Variants in ST3GAL1 observed in about 807,000 individuals in gnomAD.
The protein encoded by ST3GAL1 is ST3 beta-galactoside alpha-2,3-sialyltransferase 1, also known as CMP-N-acetylneuraminate-beta-galactosamide-alpha-2,3-sialyltransferase 1.
In ST3GAL1, 16 loss-of-function variants were observed where a neutral mutation model predicts 34.1. The observed-to-expected ratio is 0.47, with a 90% CI of 0.32 to 0.71. The LOEUF is 0.71. Ranked by LOEUF, ST3GAL1 falls within the 30% of genes least tolerant of loss-of-function variation. The probability of loss-of-function intolerance (pLI) is 0.04; values close to 1 mark genes in which losing one functional copy is unlikely to be tolerated. For synonymous variants in ST3GAL1, 191 were observed against 184.7 expected (o/e 1.03, Z -0.28); for missense variants, 353 against 447.4 (o/e 0.79, Z 1.90).
At chr8:133,525,336 C>T (rs893306301) in intron 2 of ST3GAL1, among the ~76,000 whole-genome samples, 22 of 152,212 alleles carry the variant, frequency 1.4e-4, no homozygotes, top group African/African-American at 5.3e-4. Flanking sequence ...GTCCTGACAC[C>T]TACATGTCTG....
intron 3 of ST3GAL1, among the ~76,000 whole-genome samples, chr8:133,493,322 G>C (rs1816839505): frequency 6.6e-6 from 1 of 152,234 alleles, no homozygotes; most frequent in Non-Finnish European, 1.5e-5. Flanking sequence ...GGGTCTTGGA[G>C]AGAAACGAAG....
chr8:133,496,251 A>G (rs908317133), intron 3 of ST3GAL1, among the ~76,000 whole-genome samples: 1 of 152,182 alleles, frequency 6.6e-6, no homozygotes, highest in African/African-American at 2.4e-5. Flanking sequence ...GGCTTAATAC[A>G]TACTTCTGAG....
At chr8:133,532,524 CTAAA>C (rs948553247) in intron 2 of ST3GAL1, among the ~76,000 whole-genome samples, 3 of 151,904 alleles carry the variant, frequency 2.0e-5, no homozygotes, top group African/African-American at 4.8e-5. Context: ...AAATGAAGTA[CTAAA>C]TAAATATTGA....
intron 2 of ST3GAL1, among the ~76,000 whole-genome samples, chr8:133,512,351 G>A (rs1330176327): frequency 6.6e-6 from 1 of 152,312 alleles, no homozygotes; most frequent in East Asian, 1.9e-4. Context: ...GGAAGACTCA[G>A]CCAGTCTACC....
intron 1 of ST3GAL1, among the ~76,000 whole-genome samples, chr8:133,555,485 C>T (rs1818985473): frequency 6.6e-6 from 1 of 152,174 alleles, no homozygotes; most frequent in Non-Finnish European, 1.5e-5. Context: ...GTGACTCCCA[C>T]CCGCACCATT....
intron 7 of ST3GAL1, among the ~76,000 whole-genome samples, chr8:133,464,396 C>T (rs1438055038): frequency 6.6e-6 from 1 of 152,178 alleles, no homozygotes; most frequent in Non-Finnish European, 1.5e-5. Context: ...TAGGAACCCT[C>T]ACCCTGCCAC....
chr8:133,490,234 A>C (rs535434820), intron 3 of ST3GAL1, among the ~76,000 whole-genome samples: 1 of 152,300 alleles, frequency 6.6e-6, no homozygotes, highest in South Asian at 2.1e-4. Flanking sequence ...CTTGGGTATC[A>C]GTGGCTTACT....
In ST3GAL1 at chr8:133,499,172, G is replaced by A. The variant is rs954451630; in HGVS notation, c.-411C>T. 7 of 152,260 alleles carry A rather than the reference G, an allele frequency of 4.6e-5. No homozygotes were observed. The highest frequency in any genetic ancestry group is 9.7e-5 in the African/African-American group (4 of 41,444). 9.4% of individuals were successfully genotyped at this position (152,260 alleles called of 1,614,324 possible). On this transcript the variant is annotated 5_prime_UTR_variant, in exon 3 of 10. An upstream open reading frame in the 5' UTR gains an earlier in-frame stop. Transcript: ENST00000522652. ...CTCAGTGGAGTCTCTTAACCTCTCT[G>A]AACCTCAGTTTCTTCATCTGAAAAA...
chr8:133,465,661 T>G, intron 6 of ST3GAL1: 1 of 430,276 alleles, frequency 2.3e-6, no homozygotes, highest in Non-Finnish European at 4.1e-6. Flanking sequence ...GGACCTCCCG[T>G]GTATGGCTTC....
At chr8:133,566,820 G>A (rs1358807230) in intron 1 of ST3GAL1, among the ~76,000 whole-genome samples, 1 of 152,170 alleles carries the variant, frequency 6.6e-6, no homozygotes, top group East Asian at 1.9e-4. Context: ...TCCAATGCTT[G>A]GAGGCTCTCA....
At chr8:133,487,837 G>A (rs1027910610) in intron 3 of ST3GAL1, among the ~76,000 whole-genome samples, 19 of 152,094 alleles carry the variant, frequency 1.2e-4, no homozygotes, top group African/African-American at 3.6e-4. Context: ...GTGTGGTGGC[G>A]GATGCCTGTA....
intron 2 of ST3GAL1, among the ~76,000 whole-genome samples, chr8:133,505,325 G>C (rs1817298533): frequency 6.6e-6 from 1 of 152,138 alleles, no homozygotes; most frequent in Non-Finnish European, 1.5e-5. Flanking sequence ...AAGTTGAGTA[G>C]GTTCACTTGC....
intron 3 of ST3GAL1, among the ~76,000 whole-genome samples, chr8:133,492,278 CATGAG>C (rs1816809754): frequency 6.6e-6 from 1 of 152,302 alleles, no homozygotes; most frequent in East Asian, 1.9e-4. Context: ...ACCCCCAGCT[CATGAG>C]TCCTGGAGAT....
At position 133,569,113 on chromosome 8, in the gene ST3GAL1, A is replaced by G. The variant is rs112043065; in HGVS notation, c.-582+2580T>C. Among the ~76,000 whole-genome samples the G allele has an allele frequency of 9.6e-3, 1,461 of 151,934 alleles. 21 individuals carry two copies. The highest frequency in any genetic ancestry group is 0.034 in the African/African-American group (1,395 of 41,424). On this transcript the variant is annotated intron_variant, in intron 1 of 9. Coordinates refer to ENST00000522652, the MANE Select transcript of ST3GAL1 (RefSeq NM_173344.3). ...GCAACGCTTCCTGTTTTTCTCTCTC[A>G]CCCTGGGTGGGGTGCTGTGGCCTCC... is the stretch of plus-strand genomic sequence containing the variant.
intron 3 of ST3GAL1, among the ~76,000 whole-genome samples, chr8:133,479,176 G>A (rs1234566378): frequency 1.3e-5 from 2 of 152,040 alleles, no homozygotes; most frequent in Non-Finnish European, 2.9e-5. Context: ...CTGCATATTT[G>A]CTGGTCCTTG....
intron 2 of ST3GAL1, among the ~76,000 whole-genome samples, chr8:133,533,144 A>T (rs1818205201): frequency 2.0e-5 from 3 of 152,114 alleles, no homozygotes; most frequent in Admixed American, 2.0e-4. Context: ...CTAGTCCCCC[A>T]GCGCCCCCGC....
At chr8:133,517,490 C>G (rs971262984) in intron 2 of ST3GAL1, among the ~76,000 whole-genome samples, 20 of 152,324 alleles carry the variant, frequency 1.3e-4, no homozygotes, top group Admixed American at 2.6e-4. Context: ...GCTGGGACTA[C>G]AGGCGCGTGC....
intron 1 of ST3GAL1, among the ~76,000 whole-genome samples, chr8:133,559,035 T>TTGTG (rs34571050): frequency 0.23 from 34,852 of 149,058 alleles, 4,075 homozygotes; most frequent in Middle Eastern, 0.31. Flanking sequence ...GAGTGTGGTT[T>TTGTG]TGTGTGTGTG....
chr8:133,482,905 C>CAACAACAACAAA (rs1412922170), intron 3 of ST3GAL1, among the ~76,000 whole-genome samples: 1 of 150,252 alleles, frequency 6.7e-6, no homozygotes, highest in Non-Finnish European at 1.5e-5. Flanking sequence ...CAACAGTTGT[C>CAACAACAACAAA]AACAACAACA....
Sources: allele counts gnomAD v4.1 joint callset (sites outside exome capture counted in the v4.1 genomes callset), GRCh38; gene constraint gnomAD v4.1.1; transcripts MANE v1.5; gene names NCBI Gene and HGNC (gene_info 2026-07-23, HGNC 2026-07-21).